XRCC4: variants seen among roughly 807,000 people sequenced by gnomAD.
The protein encoded by XRCC4 is DNA repair protein XRCC4.
A neutral mutation model predicts 39.1 loss-of-function variants in XRCC4; 28 were observed. The observed-to-expected ratio is 0.72, with a 90% CI of 0.53 to 0.98. XRCC4 has a LOEUF of 0.98. XRCC4 is among the 50% of genes least tolerant of loss of function. The probability of loss-of-function intolerance (pLI) is 0.00; values close to 1 mark genes in which losing one functional copy is unlikely to be tolerated. For synonymous variants in XRCC4, 123 were observed against 126.4 expected, an observed-to-expected ratio of 0.97 and a Z score of 0.18; for missense variants, 350 against 376.4, an observed-to-expected ratio of 0.93 and a Z score of 0.58.
chr5:83,308,836 A>G (rs568357112), intron 7 of XRCC4, among the ~76,000 whole-genome samples: 2 of 152,280 alleles, frequency 1.3e-5, no homozygotes, highest in East Asian at 1.9e-4. Context: ...GTCTCAATTC[A>G]TAATTATTTC....
intron 6 of XRCC4, among the ~76,000 whole-genome samples, chr5:83,248,020 C>G (rs921746319): frequency 1.3e-5 from 2 of 152,072 alleles, no homozygotes; most frequent in Non-Finnish European, 2.9e-5. Flanking sequence ...TTTGGAATAG[C>G]GAAGCCCTCC....
intron 7 of XRCC4, among the ~76,000 whole-genome samples, chr5:83,335,231 A>T (rs982862294): frequency 3.9e-5 from 6 of 151,928 alleles, no homozygotes; most frequent in Non-Finnish European, 8.8e-5. Context: ...ATTAAAATAT[A>T]AAACTTTTTC....
intron 7 of XRCC4, among the ~76,000 whole-genome samples, chr5:83,318,119 A>G (rs1250463091): frequency 2.1e-5 from 3 of 146,184 alleles, no homozygotes; most frequent in East Asian, 2.0e-4. Flanking sequence ...GATTATCTCA[A>G]TAGTTGCAGA....
intron 3 of XRCC4, among the ~76,000 whole-genome samples, chr5:83,117,241 CA>C (rs1231026623): frequency 3.3e-5 from 5 of 152,164 alleles, no homozygotes; most frequent in Non-Finnish European, 7.3e-5. Context: ...TGGTTGAAAG[CA>C]TACTATAGTG....
intron 7 of XRCC4, among the ~76,000 whole-genome samples, chr5:83,309,266 CAAAAAAAAAAA>C (rs59326460): frequency 0.011 from 182 of 17,318 alleles, no homozygotes; most frequent in African/African-American, 0.022. Context: ...GACTCCGTCT[CAAAAAAAAAAA>C]AAAAAAAAAA....
At chr5:83,321,313 A>G (rs189531661) in intron 7 of XRCC4, among the ~76,000 whole-genome samples, 1 of 152,314 alleles carries the variant, frequency 6.6e-6, no homozygotes, top group East Asian at 1.9e-4. Flanking sequence ...TGATTGCAGT[A>G]AGTTTATATC....
intron 1 of XRCC4, among the ~76,000 whole-genome samples, chr5:83,079,059 AAGGTAAT>A (rs572032872): frequency 9.6e-4 from 146 of 152,318 alleles, no homozygotes; most frequent in Non-Finnish European, 1.7e-3. Context: ...GTTACATATA[AAGGTAAT>A]ACTTCTGTAT....
chr5:83,313,562 A>G (rs966255206), intron 7 of XRCC4, among the ~76,000 whole-genome samples: 5 of 152,158 alleles, frequency 3.3e-5, no homozygotes, highest in African/African-American at 7.2e-5. Flanking sequence ...CTGTGGAGAC[A>G]TACTGCTCAG....
chr5:83,169,542 G>A (rs577574249), intron 3 of XRCC4, among the ~76,000 whole-genome samples: 4 of 152,278 alleles, frequency 2.6e-5, no homozygotes, highest in African/African-American at 9.6e-5. Flanking sequence ...AAATGGACAC[G>A]TTATGTCATG....
At chr5:83,344,624 A>T (rs956201583) in intron 7 of XRCC4, among the ~76,000 whole-genome samples, 5 of 152,138 alleles carry the variant, frequency 3.3e-5, no homozygotes, top group Non-Finnish European at 7.3e-5. Flanking sequence ...AGTCCATTAT[A>T]TGAAAATTTA....
At chr5:83,372,651 T>C in the XRCC4 span, among the ~76,000 whole-genome samples, 1 of 152,206 alleles carries the variant, frequency 6.6e-6, no homozygotes. Context: ...ACAAATTCAG[T>C]TACTTGCTTC....
At chr5:83,223,671 GTTTTGTT>G (rs562036828) in intron 6 of XRCC4, among the ~76,000 whole-genome samples, 23 of 151,284 alleles carry the variant, frequency 1.5e-4, no homozygotes, top group Admixed American at 2.6e-4. Flanking sequence ...TTTTTGCTTT[GTTTTGTT>G]TTTTGTTTTT....
intron 3 of XRCC4, among the ~76,000 whole-genome samples, chr5:83,113,712 C>T (rs1263502482): frequency 6.6e-6 from 1 of 152,046 alleles, no homozygotes. Flanking sequence ...CTGCAAGCTC[C>T]GCCTCCTGGG....
intron 1 of XRCC4, among the ~76,000 whole-genome samples, chr5:83,097,815 A>G (rs538465350): frequency 6.6e-6 from 1 of 152,270 alleles, no homozygotes; most frequent in South Asian, 2.1e-4. Context: ...GACAGTCTAG[A>G]AAGTTTCCAA....
At chr5:83,255,234 T>C (rs1214505228) in intron 6 of XRCC4, among the ~76,000 whole-genome samples, 2 of 152,196 alleles carry the variant, frequency 1.3e-5, no homozygotes, top group African/African-American at 4.8e-5. Context: ...TTGCCTTTTA[T>C]TGAAGGCTAG....
At chr5:83,245,298 C>T (rs1489201506) in intron 6 of XRCC4, among the ~76,000 whole-genome samples, 11 of 151,512 alleles carry the variant, frequency 7.3e-5, no homozygotes, top group East Asian at 5.8e-4. Context: ...TTACAATTAC[C>T]GAAACAAGAG....
At chr5:83,329,741 A>T (rs1756379129) in intron 7 of XRCC4, among the ~76,000 whole-genome samples, 2 of 152,118 alleles carry the variant, frequency 1.3e-5, no homozygotes, top group South Asian at 2.1e-4. Flanking sequence ...GGAAATCTCA[A>T]ACAAACTCAA....
At chr5:83,262,667 G>A (rs1241149003) in intron 7 of XRCC4, among the ~76,000 whole-genome samples, 1 of 151,858 alleles carries the variant, frequency 6.6e-6, no homozygotes, top group Non-Finnish European at 1.5e-5. Context: ...AACTTTCAAA[G>A]TATCTAGACA....
At chr5:83,298,558 T>C (rs1755171336) in intron 7 of XRCC4, among the ~76,000 whole-genome samples, 1 of 151,854 alleles carries the variant, frequency 6.6e-6, no homozygotes, top group African/African-American at 2.4e-5. Context: ...TGATTAGTGT[T>C]TCCCTGGTAT....
Sources: gnomAD v4.1 joint callset for allele counts (sites outside exome capture counted in the v4.1 genomes callset) on GRCh38, gnomAD v4.1.1 for gene constraint, MANE v1.5 for transcripts, NCBI Gene and HGNC (gene_info 2026-07-23, HGNC 2026-07-21) for gene names.